The following CD63 variants were observed in gnomAD, a reference collection of about 807,000 sequenced individuals.
CD63 encodes the protein CD63 molecule.
In CD63, 16 loss-of-function variants were observed where a neutral mutation model predicts 29.2. The observed-to-expected ratio is 0.55, with a 90% CI of 0.37 to 0.83. CD63 has a LOEUF of 0.83. Ranked by LOEUF, CD63 falls within the 40% of genes least tolerant of loss-of-function variation. CD63 has a pLI of 0.00. For missense variants in CD63, 251 were observed against 297.3 expected (o/e 0.84, Z 1.15); for synonymous variants, 118 against 111.7 (o/e 1.06, Z -0.36).
chr12:55,729,597 T>C (rs1382532591), upstream of CD63: 1 of 152,084 alleles, frequency 6.6e-6, no homozygotes, highest in African/African-American at 2.4e-5. Flanking sequence ...CTCCCAACAT[T>C]CTACAGCATT....
Position 55,727,407 on chromosome 12 carries a change from G to A in CD63, c.67-68C>T, listed in dbSNP as rs991395005. The stretch of plus-strand genomic sequence containing the variant: ...AGTGGCCCTCCATGGTGGAGGGCAG[G>A]GGGTACACCTAGGACACAGACTTGA... On this transcript the variant is annotated intron_variant, in intron 2 of 7. Transcript: ENST00000257857. 15 of 1,436,934 alleles carry A rather than the reference G, an allele frequency of 1.0e-5. No homozygotes were observed. The African/African-American group carries it at 2.1e-4, about 20-fold the overall frequency. The allele number at this position is 1,436,934 out of a possible 1,614,324, so 89.0% of individuals were successfully genotyped here. A position where few individuals can be genotyped will look rare whatever the true frequency, so the allele number is the denominator to read the frequency against.
intron 6 of CD63, 67 bp from the exon 7 acceptor site, chr12:55,725,963 G>A: frequency 6.6e-7 from 1 of 1,504,730 alleles, no homozygotes. Flanking sequence ...CCCTCCCTTG[G>A]TCCATCAGTC....
At chr12:55,727,704 G>C (rs1877569049) in intron 2 of CD63, 3 of 1,055,216 alleles carry the variant, frequency 2.8e-6, no homozygotes, top group Middle Eastern at 4.5e-4. Flanking sequence ...CATCCCACGC[G>C]CGCATCAGCT....
chr12:55,723,788 TG>T, downstream of CD63: 2 of 1,398,240 alleles, frequency 1.4e-6, no homozygotes, highest in Non-Finnish European at 2.0e-6. Flanking sequence ...CTCTTGTCCC[TG>T]GTCTGTGGTA....
At chr12:55,727,115 C>T (rs779402183) in intron 3 of CD63, 36 bp downstream of exon 3, 5 of 1,599,182 alleles carry the variant, frequency 3.1e-6, no homozygotes, top group East Asian at 4.5e-5. Flanking sequence ...CTCTGGCAGT[C>T]CCAGACCGCC....
intron 5 of CD63, 197 bp downstream of exon 5, chr12:55,726,503 C>G (rs1877383637): frequency 1.6e-6 from 1 of 626,948 alleles, no homozygotes; most frequent in African/African-American, 1.8e-5. Context: ...CACCACCACA[C>G]CTGGCTAATT....
chr12:55,723,901 T>C (rs1239324221), downstream of CD63: 1 of 1,613,954 alleles, frequency 6.2e-7, no homozygotes, highest in Admixed American at 1.7e-5. Flanking sequence ...ATGTAGCTCA[T>C]TTTGGGATAC....
chr12:55,729,581 G>A (rs2231462), upstream of CD63: 3,565 of 152,390 alleles, frequency 0.023, 51 homozygotes, highest in Middle Eastern at 0.081. Flanking sequence ...CTCACATCCT[G>A]GGTGTCTCCC....
Position 55,727,153 on chromosome 12 carries a change from T to A in CD63, c.253A>T (p.Thr85Ser), listed in dbSNP as rs770938546. 12 of 1,612,360 alleles carry A rather than the reference T, an allele frequency of 7.4e-6. No individual in the cohort carries two copies. Among genetic ancestry groups the A allele is most frequent in the Non-Finnish European group, 1.0e-5 (12 of 1,179,132 alleles). The change falls in exon 3 of 8, where the codon ACG becomes TCG. Residue 85 changes from threonine to serine, a missense_variant and splice_region_variant. Coordinates refer to ENST00000257857, the MANE Select transcript of CD63 (RefSeq NM_001780.6). ...ACKENYCLMITFAIFLSLIML... is the reference protein window; with the variant it reads ...ACKENYCLMISFAIFLSLIML... ...TGTTGGTCCCGCCCCCAACTCACCGTGATCATAAGACAATAGTTCTCCTTG... is the reference window on the plus strand; with the variant it reads ...TGTTGGTCCCGCCCCCAACTCACCGAGATCATAAGACAATAGTTCTCCTTG...
Position 55,726,103 on chromosome 12 carries a change from A to G in CD63, c.567+18T>C. 1.2e-6 allele frequency: 2 copies of G among 1,613,510 alleles called. No individual in the cohort carries two copies. Among genetic ancestry groups the G allele is most frequent in the Non-Finnish European group, 8.5e-7 (1 of 1,179,690 alleles). ...ATTTCCCAGGTTTCCCAAGTCCCAT[A>G]CACAGTCTCCTCCCTACCTCCTTAT... On this transcript the variant is annotated intron_variant, in intron 6 of 7. Transcript: ENST00000257857.
intron 3 of CD63, 21 bp from the exon 4 acceptor site, chr12:55,726,985 A>G (rs762652591): frequency 6.2e-7 from 1 of 1,613,138 alleles, no homozygotes; most frequent in South Asian, 1.1e-5. Context: ...AAAGGACAGA[A>G]GTCAAGTTTG....
Position 55,725,539 on chromosome 12 carries a change from G to A in CD63, c.*22C>T, listed in dbSNP as rs764567916. ...GATACTATTCCACTCCCCCAGATGA[G>A]GAGGCTGAGGAGACCAGACCCCTAC... On this transcript the variant is annotated 3_prime_UTR_variant, in exon 8 of 8. Transcript: ENST00000257857. 26 of 1,593,506 alleles carry A rather than the reference G, an allele frequency of 1.6e-5. No homozygotes were observed. The Admixed American group carries it at 4.3e-4, about 27-fold the overall frequency.
In CD63 at chr12:55,728,479, C is replaced by T. The variant is rs1374733566; in HGVS notation, c.-11-127G>A. On this transcript the variant is annotated intron_variant, in intron 1 of 7. Coordinates refer to ENST00000257857, the MANE Select transcript of CD63 (RefSeq NM_001780.6). The surrounding 1 kb of genome is among the most constrained non-coding windows in gnomAD (Gnocchi z 4.8). The stretch of plus-strand genomic sequence containing the variant: ...TTCCCGGCCCCTCCCACCCGGAAAC[C>T]CGCGGTCGGATCCACGTCTCCCAGC... 21 of 1,490,862 alleles carry T rather than the reference C, an allele frequency of 1.4e-5. No individual in the cohort carries two copies. In the Admixed American group the frequency reaches 3.2e-4, roughly 23 times the overall value. 92.4% of individuals were successfully genotyped at this position (1,490,862 alleles called of 1,614,324 possible). A position where few individuals can be genotyped will look rare whatever the true frequency, so the allele number is the denominator to read the frequency against.
downstream of CD63, chr12:55,724,849 A>C (rs1877134565): frequency 1.2e-5 from 6 of 498,798 alleles, no homozygotes; most frequent in Admixed American, 1.9e-4. Flanking sequence ...GGGAGTGGCC[A>C]TCAAAGGGCA....
downstream of CD63, chr12:55,724,616 A>G (rs962102788): frequency 7.4e-6 from 10 of 1,347,778 alleles, no homozygotes; most frequent in African/African-American, 1.1e-4. Flanking sequence ...CCACCCTGGT[A>G]CTGCCTGGTG....
chr12:55,727,489 G>T, intron 2 of CD63, 150 bp from the exon 3 acceptor site: 1 of 1,188,054 alleles, frequency 8.4e-7, no homozygotes, highest in Non-Finnish European at 1.1e-6. Flanking sequence ...CTGTGGGGTA[G>T]GGGGATGACC....
rs1004374956 is a variant in CD63 at position 55,728,361 on chromosome 12, G to A, written c.-11-9C>T. ...CGCCATGGCTGCCGGGCCTGGGGCA[G>A]AGGGGAGGGCGGGGGGATTAAAACT... is the stretch of plus-strand genomic sequence containing the variant. On this transcript the variant is annotated splice_polypyrimidine_tract_variant and intron_variant, in intron 1 of 7. Transcript: ENST00000257857. The surrounding 1 kb of genome is among the most constrained non-coding windows in gnomAD (Gnocchi z 4.8). The A allele has an allele frequency of 2.6e-5, 42 of 1,606,540 alleles. No individual in the cohort carries two copies. The highest frequency in any genetic ancestry group is 3.1e-5 in the Non-Finnish European group (37 of 1,177,364).
chr12:55,727,575 C>T, intron 2 of CD63: 1 of 1,302,266 alleles, frequency 7.7e-7, no homozygotes. Context: ...TCAAAAACCT[C>T]CCAGAAAGCC....
At position 55,725,579 on chromosome 12, in the gene CD63, A is replaced by T; in HGVS notation, c.699T>A (p.Ser233Arg). 12 of 1,614,050 alleles carry T rather than the reference A, an allele frequency of 7.4e-6. No homozygotes were observed. Among genetic ancestry groups the T allele is most frequent in the Non-Finnish European group, 9.3e-6 (11 of 1,179,970 alleles). The stretch of plus-strand genomic sequence containing the variant: ...CAGACCCCTACATCACCTCGTAGCC[A>T]CTTCTGATACTCTTCACGAGGCAGC... ...FACCLVKSIR[S>R]GYEVM Residue 233 changes from serine to arginine, a missense_variant, in exon 8 of 8, where the codon AGT becomes AGA. By Grantham distance (110) the Ser-to-Arg change is moderately radical. Coordinates refer to ENST00000257857, the MANE Select transcript of CD63 (RefSeq NM_001780.6).
Sources: allele counts gnomAD v4.1 joint callset, GRCh38; gene constraint gnomAD v4.1.1; non-coding constraint Gnocchi (gnomAD v3.1); transcripts MANE v1.5; gene names NCBI Gene and HGNC (gene_info 2026-07-23, HGNC 2026-07-21).